Variants in ATP7B observed in about 807,000 individuals in gnomAD.
ATP7B encodes the protein ATPase copper transporting beta.
ATP7B carries 113 observed loss-of-function variants against 118.9 expected under a neutral mutation model. That is an observed-to-expected ratio of 0.95 (90% CI 0.82 to 1.11). ATP7B has a LOEUF of 1.11. Ranked by LOEUF, ATP7B falls within the 50% of genes most tolerant of loss-of-function variation. ATP7B has a pLI of 0.00. For synonymous variants in ATP7B, 777 were observed against 727.4 expected (o/e 1.07, Z -1.10); for missense variants, 1,867 against 1,871.4 (o/e 1.00, Z 0.04).
At chr13:51,999,219 G>A (rs1953365004) in intron 1 of ATP7B, among the ~76,000 whole-genome samples, 1 of 152,194 alleles carries the variant, frequency 6.6e-6, no homozygotes, top group Non-Finnish European at 1.5e-5. Context: ...GGCAAGTTAG[G>A]AGAGAAGAAC....
chr13:51,983,516 G>A (rs776432959), intron 1 of ATP7B, among the ~76,000 whole-genome samples: 16 of 152,156 alleles, frequency 1.1e-4, no homozygotes, highest in Non-Finnish European at 2.1e-4. Context: ...CTGCCTGCCA[G>A]CTCTGAAGAG....
intron 8 of ATP7B, 85 bp downstream of exon 8, chr13:51,958,226 T>C: frequency 7.7e-6 from 11 of 1,430,568 alleles, no homozygotes; most frequent in Non-Finnish European, 1.1e-5. Context: ...TGTGTATAAT[T>C]AGTAATTCTA....
chr13:51,996,659 C>T (rs934069734), intron 1 of ATP7B, among the ~76,000 whole-genome samples: 7 of 152,180 alleles, frequency 4.6e-5, no homozygotes, highest in Admixed American at 4.6e-4. Flanking sequence ...CCCACAGTGA[C>T]GCTTCCTCCC....
intron 1 of ATP7B, among the ~76,000 whole-genome samples, chr13:51,979,377 G>C (rs898034577): frequency 2.0e-5 from 3 of 152,220 alleles, no homozygotes; most frequent in Non-Finnish European, 4.4e-5. Context: ...TACAGAATTT[G>C]AGGAAGATTA....
intron 15 of ATP7B, among the ~76,000 whole-genome samples, chr13:51,942,004 T>C (rs938658980): frequency 6.6e-6 from 1 of 152,230 alleles, no homozygotes; most frequent in Non-Finnish European, 1.5e-5. Context: ...TTCCCTCTGC[T>C]TTCCCTGACT....
Position 51,960,229 on chromosome 13 carries a change from C to G in ATP7B, c.2040G>C (p.Gln680His), listed in dbSNP as rs1205726044. ...TGATGTTGTGGTCCAGGACCATGGA[C>G]TGGTGGGGCTCGTTGCTGGGTATCA... Reference protein sequence around the residue: ...YMLIPSNEPHQSMVLDHNIIP... With the variant: ...YMLIPSNEPHHSMVLDHNIIP... Residue 680 changes from glutamine (Q) to histidine (H), a missense_variant, in exon 7 of 21, where the codon CAG (glutamine) becomes CAC (histidine). Gln to His is a conservative substitution (Grantham distance 24). Transcript: ENST00000242839. 1 of 1,613,848 alleles carries G rather than the reference C, an allele frequency of 6.2e-7. No individual in the cohort carries two copies. The highest frequency in any genetic ancestry group is 1.3e-5 in the African/African-American group (1 of 74,930).
chr13:51,979,271 T>A (rs559080047), intron 1 of ATP7B, among the ~76,000 whole-genome samples: 1 of 152,158 alleles, frequency 6.6e-6, no homozygotes, highest in Non-Finnish European at 1.5e-5. Flanking sequence ...TACAATTCTG[T>A]CATGGTGCTA....
intron 12 of ATP7B, among the ~76,000 whole-genome samples, chr13:51,948,600 T>C (rs576387526): frequency 1.3e-5 from 2 of 152,272 alleles, no homozygotes; most frequent in South Asian, 2.1e-4. Flanking sequence ...AGATAACTCT[T>C]TGTTGTAGGG....
At chr13:51,936,402 A>G (rs1409982303) in intron 19 of ATP7B, among the ~76,000 whole-genome samples, 1 of 127,092 alleles carries the variant, frequency 7.9e-6, no homozygotes, top group Non-Finnish European at 1.6e-5. Flanking sequence ...CCCATGGAGG[A>G]GCACTCTGGA....
intron 1 of ATP7B, among the ~76,000 whole-genome samples, chr13:52,005,038 G>C (rs975339273): frequency 6.6e-6 from 1 of 152,178 alleles, no homozygotes; most frequent in African/African-American, 2.4e-5. Context: ...GCAGAGGCTC[G>C]AGGTGGCCCT....
intron 3 of ATP7B, among the ~76,000 whole-genome samples, chr13:51,969,409 T>C (rs974726039): frequency 6.6e-6 from 1 of 152,036 alleles, no homozygotes; most frequent in Non-Finnish European, 1.5e-5. Context: ...CTGCAGTTAT[T>C]GACTGCTGTT....
At chr13:51,949,603 T>G in intron 12 of ATP7B, 59 bp downstream of exon 12, 21 of 1,591,222 alleles carry the variant, frequency 1.3e-5, no homozygotes, top group Non-Finnish European at 1.8e-5. Flanking sequence ...AAGAACAGGA[T>G]CAATGTCAGT....
chr13:51,983,731 C>T (rs924519207), intron 1 of ATP7B, among the ~76,000 whole-genome samples: 23 of 152,330 alleles, frequency 1.5e-4, no homozygotes, highest in African/African-American at 5.5e-4. Context: ...GCAATCTTTG[C>T]TGTTCTGTAG....
chr13:51,961,577 C>T (rs560833963), intron 6 of ATP7B, among the ~76,000 whole-genome samples: 137 of 152,328 alleles, frequency 9.0e-4, no homozygotes, highest in Middle Eastern at 3.4e-3. Context: ...TTTCCACAGT[C>T]ACACTAGCTG....
At chr13:52,004,841 G>A (rs902906479) in intron 1 of ATP7B, among the ~76,000 whole-genome samples, 3 of 152,050 alleles carry the variant, frequency 2.0e-5, no homozygotes, top group African/African-American at 7.2e-5. Flanking sequence ...CCTGGGCCCC[G>A]GGTTCTCCAA....
intron 1 of ATP7B, among the ~76,000 whole-genome samples, chr13:51,986,478 C>T (rs1481297741): frequency 6.6e-6 from 1 of 152,172 alleles, no homozygotes; most frequent in Non-Finnish European, 1.5e-5. Flanking sequence ...TCAAATTCTA[C>T]CAGAGGTATA....
chr13:51,941,023 A>C (rs1275429536), intron 16 of ATP7B, 58 bp downstream of exon 16: 2 of 1,610,084 alleles, frequency 1.2e-6, no homozygotes, highest in Non-Finnish European at 1.7e-6. Flanking sequence ...CTTTTGCCTG[A>C]TATCTGCAGA....
At chr13:51,966,921 G>A in intron 4 of ATP7B, 9 of 1,613,238 alleles carry the variant, frequency 5.6e-6, no homozygotes, top group Non-Finnish European at 7.6e-6. Flanking sequence ...AGAGCACTTT[G>A]AAAACAACAC....
intron 1 of ATP7B, among the ~76,000 whole-genome samples, chr13:51,977,072 A>C (rs28808591): frequency 1.3e-5 from 2 of 152,204 alleles, no homozygotes; most frequent in South Asian, 4.1e-4. Context: ...CCGAGGCAGG[A>C]GGACTGCTTG....
Sources: allele counts gnomAD v4.1 joint callset (sites outside exome capture counted in the v4.1 genomes callset), GRCh38; gene constraint gnomAD v4.1.1; transcripts MANE v1.5; gene names NCBI Gene and HGNC (gene_info 2026-07-23, HGNC 2026-07-21).